Variants in MYRIP observed in about 807,000 individuals in gnomAD.
The protein encoded by MYRIP is myosin VIIA and Rab interacting protein, also known as rab effector MyRIP.
In MYRIP, 49 loss-of-function variants were observed where a neutral mutation model predicts 98.0. The ratio of observed to expected loss-of-function variants is 0.50; its 90% CI spans 0.40 to 0.63. The LOEUF is 0.63. Ranked by LOEUF, MYRIP falls within the 30% of genes least tolerant of loss-of-function variation. MYRIP has a pLI of 0.00. For synonymous variants in MYRIP, 404 were observed against 409.5 expected, an observed-to-expected ratio of 0.99 and a Z score of 0.16; for missense variants, 1,004 against 1,058.2, an observed-to-expected ratio of 0.95 and a Z score of 0.71.
intron 8 of MYRIP, among the ~76,000 whole-genome samples, chr3:40,180,316 C>T (rs1322510426): frequency 6.6e-6 from 1 of 152,160 alleles, no homozygotes; most frequent in Non-Finnish European, 1.5e-5. Flanking sequence ...CATTTTGTAA[C>T]CATTCACTCG....
intron 2 of MYRIP, among the ~76,000 whole-genome samples, chr3:39,993,379 C>G (rs1194459870): frequency 1.3e-5 from 2 of 152,190 alleles, no homozygotes; most frequent in African/African-American, 4.8e-5. Context: ...TTGCATTCAT[C>G]TTTAGTCTTT....
intron 1 of MYRIP, among the ~76,000 whole-genome samples, chr3:39,900,023 G>A (rs1943707377): frequency 6.6e-6 from 1 of 152,162 alleles, no homozygotes; most frequent in Admixed American, 6.5e-5. Flanking sequence ...GTTTCACCAT[G>A]TTGGCCAGGC....
At chr3:39,972,460 AAACTT>A (rs1945610581) in intron 2 of MYRIP, among the ~76,000 whole-genome samples, 1 of 152,116 alleles carries the variant, frequency 6.6e-6, no homozygotes, top group Non-Finnish European at 1.5e-5. Flanking sequence ...ACGTGGAACT[AAACTT>A]TGTTATGATT....
At chr3:40,199,726 T>G (rs1951500725) in intron 10 of MYRIP, among the ~76,000 whole-genome samples, 4 of 152,206 alleles carry the variant, frequency 2.6e-5, no homozygotes, top group Admixed American at 2.6e-4. Flanking sequence ...TTCAAATCTT[T>G]TTAGGCATAG....
intron 4 of MYRIP, among the ~76,000 whole-genome samples, chr3:40,152,347 A>G (rs558343719): frequency 6.6e-6 from 1 of 152,268 alleles, no homozygotes; most frequent in Admixed American, 6.5e-5. Flanking sequence ...TATGCTGAAT[A>G]TGCCCCTTTA....
At chr3:40,189,791 C>T in intron 9 of MYRIP, 35 bp from the exon 10 acceptor site, 2 of 1,552,844 alleles carry the variant, frequency 1.3e-6, no homozygotes, top group Non-Finnish European at 1.7e-6. Context: ...GTGATAACAG[C>T]CCCTCTCTGC....
rs184529297 is a variant in MYRIP, at chr3:39,841,871, C to T, written c.-31+31955C>T. Among the ~76,000 whole-genome samples the T allele has an allele frequency of 2.8e-4, 43 of 152,314 alleles. No individual in the cohort carries two copies. In the East Asian group the frequency reaches 7.7e-3, roughly 27 times the overall value. On this transcript the variant is annotated intron_variant, in intron 1 of 16. Coordinates refer to ENST00000302541, the MANE Select transcript of MYRIP (RefSeq NM_015460.4). ...CACCCCGCAGATGCCAGCTGGAGCT[C>T]TGCTGTATAAGGTGTCTGTCAACCC...
At chr3:40,090,662 G>C (rs908175065) in intron 3 of MYRIP, among the ~76,000 whole-genome samples, 2 of 152,140 alleles carry the variant, frequency 1.3e-5, no homozygotes, top group African/African-American at 2.4e-5. Flanking sequence ...AAACCTCCTG[G>C]CTTATGCGTT....
intron 1 of MYRIP, among the ~76,000 whole-genome samples, chr3:39,872,927 T>C (rs1942848659): frequency 1.3e-5 from 2 of 152,208 alleles, no homozygotes; most frequent in Admixed American, 6.5e-5. Flanking sequence ...ACTTCCACAA[T>C]GGTTGAACTA....
At chr3:40,116,255 T>G (rs1309009459) in intron 3 of MYRIP, among the ~76,000 whole-genome samples, 1 of 152,152 alleles carries the variant, frequency 6.6e-6, no homozygotes, top group Non-Finnish European at 1.5e-5. Flanking sequence ...GCCTAGCAGA[T>G]GCATTCACAC....
chr3:40,043,114 A>G (rs575512045), intron 2 of MYRIP, among the ~76,000 whole-genome samples: 1 of 152,330 alleles, frequency 6.6e-6, no homozygotes, highest in South Asian at 2.1e-4. Flanking sequence ...TTGAACCATT[A>G]TAAGTGGGGG....
rs9813527 is a variant in MYRIP, at chr3:40,135,227, A to G, written c.333-15821A>G. Among the ~76,000 whole-genome samples the G allele has an allele frequency of 7.7e-3, 1,167 of 152,338 alleles. 15 individuals carry two copies. The highest frequency in any genetic ancestry group is 0.027 in the African/African-American group (1,119 of 41,576). On this transcript the variant is annotated intron_variant, in intron 3 of 16. Coordinates refer to ENST00000302541, the MANE Select transcript of MYRIP (RefSeq NM_015460.4). ...CTGAAAACTATGGCACGAGAACTAC[A>G]TGACAAATGCACAAGCCTCAGTAAC...
intron 3 of MYRIP, among the ~76,000 whole-genome samples, chr3:40,044,894 A>G (rs998170024): frequency 2.0e-5 from 3 of 152,156 alleles, no homozygotes; most frequent in African/African-American, 7.2e-5. Flanking sequence ...GGGAAATAAC[A>G]AGCATGGCAT....
chr3:39,968,222 G>GTT (rs34248673), intron 2 of MYRIP, among the ~76,000 whole-genome samples: 41,371 of 147,406 alleles, frequency 0.28, 6,247 homozygotes, highest in Non-Finnish European at 0.35. Flanking sequence ...CATTTAACTT[G>GTT]TTTTTTTTTT....
chr3:40,237,464 G>T (rs9860881), intron 12 of MYRIP, among the ~76,000 whole-genome samples: 1 of 152,128 alleles, frequency 6.6e-6, no homozygotes, highest in Non-Finnish European at 1.5e-5. Context: ...AATATTAGGC[G>T]TTTGGGGCAG....
At chr3:39,887,299 C>T (rs547298034) in intron 1 of MYRIP, among the ~76,000 whole-genome samples, 2 of 151,772 alleles carry the variant, frequency 1.3e-5, no homozygotes, top group South Asian at 2.1e-4. Flanking sequence ...CAAGAGCAAA[C>T]ACATTCAAAA....
rs574981483 is a variant in MYRIP at position 40,189,655 on chromosome 3, G to A, written c.1028-171G>A. Among the ~76,000 whole-genome samples, 30 of 152,328 alleles carry A rather than the reference G, an allele frequency of 2.0e-4. 1 individual carries two copies. Among genetic ancestry groups the A allele is most frequent in the African/African-American group, 6.7e-4 (28 of 41,572 alleles). Reference sequence around the variant, plus strand: ...CTTTGAGCTTTCAAGAGATTCCTTGGGGAACTTTGAACTCTGCCCACCAAT... The same window carrying A: ...CTTTGAGCTTTCAAGAGATTCCTTGAGGAACTTTGAACTCTGCCCACCAAT... On this transcript the variant is annotated intron_variant, in intron 9 of 16. Transcript: ENST00000302541.
intron 11 of MYRIP, among the ~76,000 whole-genome samples, chr3:40,212,022 T>C (rs1343533699): frequency 2.6e-5 from 4 of 151,354 alleles, no homozygotes; most frequent in Non-Finnish European, 4.4e-5. Context: ...TTCCTAGTCT[T>C]CCATGAGTCA....
chr3:40,001,078 A>G (rs1341274059), intron 2 of MYRIP, among the ~76,000 whole-genome samples: 1 of 152,182 alleles, frequency 6.6e-6, no homozygotes, highest in Non-Finnish European at 1.5e-5. Context: ...TGATAGTTAT[A>G]TTTTTGTTTT....
Sources: gnomAD v4.1 joint callset for allele counts (sites outside exome capture counted in the v4.1 genomes callset) on GRCh38, gnomAD v4.1.1 for gene constraint, MANE v1.5 for transcripts, NCBI Gene and HGNC (gene_info 2026-07-23, HGNC 2026-07-21) for gene names.